The following TRAM2 variants were observed in gnomAD, a reference collection of about 807,000 sequenced individuals.
The protein encoded by TRAM2 is translocating chain-associated membrane protein 2.
In TRAM2, 12 loss-of-function variants were observed where a neutral mutation model predicts 51.0. The observed-to-expected ratio is 0.24, with a 90% confidence interval of 0.15 to 0.38. TRAM2 has a LOEUF of 0.38. Among genes scored for constraint, TRAM2 ranks in the 10% least tolerant of loss-of-function variants. The pLI is 1.00. For synonymous variants in TRAM2, 175 were observed against 179.4 expected (o/e 0.98, Z 0.20); for missense variants, 361 against 462.0 (o/e 0.78, Z 2.00).
intron 1 of TRAM2, among the ~76,000 whole-genome samples, chr6:52,536,566 T>G (rs773916434): frequency 6.6e-6 from 1 of 152,168 alleles, no homozygotes; most frequent in Non-Finnish European, 1.5e-5. Flanking sequence ...ATCGACTACC[T>G]GGGTTCAAAT....
chr6:52,541,088 T>G (rs534888607), intron 1 of TRAM2, among the ~76,000 whole-genome samples: 21 of 152,346 alleles, frequency 1.4e-4, no homozygotes, highest in African/African-American at 4.8e-4. Context: ...TGGCTGCAAC[T>G]AGACCAAGGA....
At position 52,503,158 on chromosome 6, in the gene TRAM2, G is replaced by GC; in HGVS notation, c.*38dup. ...GCCTGGGCTCCTTGCCCCCTGCTCG[G>GC]CCCCCACCAAGAGGATTCCTGTTCT... is the stretch of plus-strand genomic sequence containing the variant. On this transcript the variant is annotated 3_prime_UTR_variant, in exon 11 of 11. Coordinates refer to ENST00000182527, the MANE Select transcript of TRAM2 (RefSeq NM_012288.4). 1 of 1,573,882 alleles carries GC rather than the reference G, an allele frequency of 6.4e-7. No homozygotes were observed. Among genetic ancestry groups the GC allele is most frequent in the Non-Finnish European group, 8.7e-7 (1 of 1,143,700 alleles).
intron 2 of TRAM2, among the ~76,000 whole-genome samples, chr6:52,526,216 A>T (rs966777580): frequency 2.7e-5 from 4 of 150,660 alleles, no homozygotes; most frequent in Non-Finnish European, 5.9e-5. Flanking sequence ...CACGCCAGAG[A>T]ATTAAAGATC....
intron 1 of TRAM2, among the ~76,000 whole-genome samples, chr6:52,559,920 C>G (rs4715307): frequency 3.3e-5 from 5 of 151,850 alleles, no homozygotes; most frequent in Non-Finnish European, 7.4e-5. Context: ...AAAAGCAATA[C>G]ACACCTACTG....
At position 52,500,410 on chromosome 6, in the gene TRAM2, CAGGGGGAGGGGGGT is replaced by C. The variant is rs1161358391; in HGVS notation, c.*2773_*2786del. The C allele has an allele frequency of 2.0e-5, 3 of 151,984 alleles. No homozygotes were observed. The highest frequency in any genetic ancestry group is 4.4e-5 in the Non-Finnish European group (3 of 68,010). 9.4% of individuals were successfully genotyped at this position (151,984 alleles called of 1,614,324 possible). ...GAAATAAACGTGCCAGGGAGGGTGG[CAGGGGGAGGGGGGT>C]GACAAAGTACCCTACAACTACCCTC... On this transcript the variant is annotated 3_prime_UTR_variant, in exon 11 of 11. Coordinates refer to ENST00000182527, the MANE Select transcript of TRAM2 (RefSeq NM_012288.4).
At chr6:52,551,751 AG>A (rs1043863884) in intron 1 of TRAM2, among the ~76,000 whole-genome samples, 1 of 152,210 alleles carries the variant, frequency 6.6e-6, no homozygotes, top group African/African-American at 2.4e-5. Flanking sequence ...ATTTACACAG[AG>A]GGGGTCTGCA....
intron 1 of TRAM2, among the ~76,000 whole-genome samples, chr6:52,536,101 C>A (rs1397891000): frequency 6.6e-6 from 1 of 152,208 alleles, no homozygotes; most frequent in Non-Finnish European, 1.5e-5. Flanking sequence ...CTGTGCATGG[C>A]AGGACAGGAG....
At chr6:52,557,851 C>A (rs1415242647) in intron 1 of TRAM2, among the ~76,000 whole-genome samples, 1 of 152,182 alleles carries the variant, frequency 6.6e-6, no homozygotes, top group African/African-American at 2.4e-5. Flanking sequence ...TTTAGTTTTA[C>A]ACATACCCCT....
intron 2 of TRAM2, among the ~76,000 whole-genome samples, chr6:52,534,180 G>A (rs1047341374): frequency 2.6e-5 from 4 of 151,010 alleles, no homozygotes; most frequent in East Asian, 1.9e-4. Context: ...TCGGAAGTTC[G>A]AGACCAGCCT....
intron 2 of TRAM2, 72 bp from the exon 3 acceptor site, chr6:52,516,809 A>C: frequency 1.7e-6 from 2 of 1,206,936 alleles, no homozygotes; most frequent in Non-Finnish European, 2.5e-6. Flanking sequence ...AACTGAAATG[A>C]GATGGGAGGC....
In TRAM2 at chr6:52,513,583, CAAG is replaced by C. The variant is rs572377418; in HGVS notation, c.411+2420_411+2422del. On this transcript the variant is annotated intron_variant, in intron 4 of 10. Transcript: ENST00000182527. ...GGTATTTAGGCAGAGACTTGGATGG[CAAG>C]AAGGAGTTGGCCATGGGATGGCAGG... Among the ~76,000 whole-genome samples the C allele has an allele frequency of 4.0e-3, 605 of 152,174 alleles. 4 individuals are homozygous for C. The highest frequency in any genetic ancestry group is 6.8e-3 in the Middle Eastern group (2 of 294).
chr6:52,564,153 A>G (rs1267398740), intron 1 of TRAM2, among the ~76,000 whole-genome samples: 1 of 152,162 alleles, frequency 6.6e-6, no homozygotes, highest in African/African-American at 2.4e-5. Flanking sequence ...TGGTAGGTAC[A>G]GAGGTGCTAG....
rs1202152268 is a variant in TRAM2, at chr6:52,516,039, G to A, written c.378C>T (p.Thr126=). ...ESGQLVVFHF[T]SVIWCFYVVV... is the part of the protein sequence containing the mutation. ...CCACGTAGAAGCACCAAATCACCGAGGTGAAATGAAAGACGACCAGCTGTC... is the reference window on the plus strand; with the variant it reads ...CCACGTAGAAGCACCAAATCACCGAAGTGAAATGAAAGACGACCAGCTGTC... Residue 126 remains threonine (T), a synonymous_variant, in exon 4 of 11, where the codon ACC becomes ACT. Coordinates refer to ENST00000182527, the MANE Select transcript of TRAM2 (RefSeq NM_012288.4). 1.2e-6 allele frequency: 2 copies of A among 1,614,166 alleles called. No homozygotes were observed. The highest frequency in any genetic ancestry group is 1.1e-5 in the South Asian group (1 of 91,078).
At chr6:52,503,471 G>A (rs1476431456) in intron 10 of TRAM2, among the ~76,000 whole-genome samples, 1 of 152,024 alleles carries the variant, frequency 6.6e-6, no homozygotes, top group African/African-American at 2.4e-5. Flanking sequence ...TCTTCCCCAG[G>A]GCCCTGGACT....
chr6:52,547,374 C>T (rs1425794448), intron 1 of TRAM2, among the ~76,000 whole-genome samples: 1 of 152,158 alleles, frequency 6.6e-6, no homozygotes, highest in Non-Finnish European at 1.5e-5. Flanking sequence ...TTTGTTAAGA[C>T]CACGCCCTTT....
chr6:52,518,975 C>T lies in TRAM2; in HGVS notation c.185-2238G>A, dbSNP rs549090094. Among the ~76,000 whole-genome samples the T allele has an allele frequency of 3.8e-4, 58 of 152,298 alleles. 1 individual carries two copies. In the South Asian group the frequency reaches 7.3e-3, roughly 19 times the overall value. On this transcript the variant is annotated intron_variant, in intron 2 of 10. Transcript: ENST00000182527. ...AGATTATCCATTTTAAAGCCCTTTA[C>T]GAGGGTCACCTGCCATTCTTGATAC...
At chr6:52,514,662 G>A (rs1008940699) in intron 4 of TRAM2, among the ~76,000 whole-genome samples, 1 of 152,224 alleles carries the variant, frequency 6.6e-6, no homozygotes, top group East Asian at 1.9e-4. Context: ...GTCACAGCTG[G>A]GGTGGAATGT....
intron 1 of TRAM2, among the ~76,000 whole-genome samples, chr6:52,564,422 C>T (rs753702289): frequency 9.9e-5 from 15 of 152,196 alleles, no homozygotes; most frequent in Non-Finnish European, 1.9e-4. Context: ...TAACCAGCCC[C>T]TACCCAGCCC....
intron 6 of TRAM2, among the ~76,000 whole-genome samples, chr6:52,508,011 C>T (rs1466408714): frequency 6.6e-6 from 1 of 152,230 alleles, no homozygotes; most frequent in Admixed American, 6.5e-5. Context: ...TCCTCCAAAG[C>T]CACAGGTCTG....
Sources: allele counts gnomAD v4.1 joint callset (sites outside exome capture counted in the v4.1 genomes callset), GRCh38; gene constraint gnomAD v4.1.1; transcripts MANE v1.5; gene names NCBI Gene and HGNC (gene_info 2026-07-23, HGNC 2026-07-21).